TENM3: variants seen among roughly 807,000 people sequenced by gnomAD.
The protein encoded by TENM3 is teneurin transmembrane protein 3.
Under a neutral mutation model 255.1 loss-of-function variants are expected in TENM3, and 63 were observed. The observed-to-expected ratio is 0.25, with a 90% CI of 0.20 to 0.30. The LOEUF (loss-of-function observed/expected upper bound fraction) is 0.30. Among genes scored for constraint, TENM3 ranks in the 10% least tolerant of loss-of-function variants. The pLI is 1.00. For missense variants in TENM3, 2,929 were observed against 3,461.1 expected, an observed-to-expected ratio of 0.85 and a Z score of 3.86; for synonymous variants, 1,306 against 1,322.3, an observed-to-expected ratio of 0.99 and a Z score of 0.27.
the TENM3 span, among the ~76,000 whole-genome samples, chr4:182,073,888 G>A: frequency 6.6e-6 from 1 of 152,110 alleles, no homozygotes; most frequent in South Asian, 2.1e-4. Context: ...TTTGTTCACA[G>A]AATTGGCACA....
chr4:181,886,238 A>T, the TENM3 span, among the ~76,000 whole-genome samples: 1 of 151,938 alleles, frequency 6.6e-6, no homozygotes, highest in Non-Finnish European at 1.5e-5. Context: ...TTTTCAATAG[A>T]GATGGGGTTT....
chr4:182,501,050 G>A (rs1471188764), intron 3 of TENM3, among the ~76,000 whole-genome samples: 1 of 151,996 alleles, frequency 6.6e-6, no homozygotes, highest in Admixed American at 6.6e-5. Context: ...AGAATGGTGA[G>A]CATGTCTTAT....
At chr4:181,779,050 G>T in the TENM3 span, among the ~76,000 whole-genome samples, 1 of 152,096 alleles carries the variant, frequency 6.6e-6, no homozygotes, top group Non-Finnish European at 1.5e-5. Context: ...CTACTGGAGT[G>T]AGTCTACAAA....
chr4:182,469,881 G>A (rs1732954343), intron 3 of TENM3, among the ~76,000 whole-genome samples: 1 of 152,010 alleles, frequency 6.6e-6, no homozygotes, highest in South Asian at 2.1e-4. Flanking sequence ...TAACATAAAT[G>A]TAAACAGTGA....
the TENM3 span, among the ~76,000 whole-genome samples, chr4:182,101,474 C>A: frequency 6.6e-6 from 1 of 152,186 alleles, no homozygotes; most frequent in Non-Finnish European, 1.5e-5. Context: ...CTGATCTTAG[C>A]CCAACCCTCT....
the TENM3 span, among the ~76,000 whole-genome samples, chr4:181,758,586 A>C: frequency 3.8e-4 from 58 of 152,326 alleles, no homozygotes; most frequent in Admixed American, 1.2e-3. Flanking sequence ...TTAAGATGCT[A>C]TGTTTACAGG....
At chr4:182,163,096 G>A (rs761910770) in intron 1 of TENM3, among the ~76,000 whole-genome samples, 13 of 152,216 alleles carry the variant, frequency 8.5e-5, no homozygotes, top group Non-Finnish European at 1.5e-4. Context: ...GTACTAATCA[G>A]TCATTACGTC....
chr4:181,996,309 C>A, the TENM3 span, among the ~76,000 whole-genome samples: 1 of 152,028 alleles, frequency 6.6e-6, no homozygotes, highest in Non-Finnish European at 1.5e-5. Context: ...CAGAAGGGGA[C>A]AGCTTTAGCC....
chr4:181,470,349 TTATACACA>T, the TENM3 span, among the ~76,000 whole-genome samples: 3,869 of 152,282 alleles, frequency 0.025, 158 homozygotes, highest in African/African-American at 0.088. Context: ...CTTCCAGTTT[TTATACACA>T]AAACGTATGT....
intron 3 of TENM3, among the ~76,000 whole-genome samples, chr4:182,515,814 A>G (rs543868277): frequency 6.6e-6 from 1 of 151,204 alleles, no homozygotes; most frequent in Admixed American, 6.6e-5. Flanking sequence ...TGATACAGTA[A>G]AAGTCTAATA....
At chr4:182,452,218 T>A (rs762049826) in intron 3 of TENM3, among the ~76,000 whole-genome samples, 1 of 152,144 alleles carries the variant, frequency 6.6e-6, no homozygotes, top group Admixed American at 6.5e-5. Flanking sequence ...CTTAAGGATA[T>A]TTGAATGTTG....
At chr4:182,256,279 T>C (rs1447980124) in intron 1 of TENM3, among the ~76,000 whole-genome samples, 1 of 152,228 alleles carries the variant, frequency 6.6e-6, no homozygotes, top group African/African-American at 2.4e-5. Flanking sequence ...ATGGGCTCCA[T>C]CTCAGCCTGT....
the TENM3 span, among the ~76,000 whole-genome samples, chr4:181,749,479 TA>T: frequency 6.6e-6 from 1 of 152,136 alleles, no homozygotes; most frequent in Non-Finnish European, 1.5e-5. Context: ...GCTGCTTTTT[TA>T]AAAAATAAGA....
chr4:182,367,178 A>G (rs1383641691), intron 3 of TENM3, among the ~76,000 whole-genome samples: 3 of 152,176 alleles, frequency 2.0e-5, no homozygotes, highest in Admixed American at 6.5e-5. Flanking sequence ...AATCTGTTTT[A>G]AGTGTAGCAG....
intron 4 of TENM3, among the ~76,000 whole-genome samples, chr4:182,602,086 C>T (rs761770591): frequency 1.3e-5 from 2 of 152,226 alleles, no homozygotes; most frequent in Admixed American, 6.5e-5. Context: ...TATAAAATTT[C>T]GCCTTCTTTC....
the TENM3 span, among the ~76,000 whole-genome samples, chr4:181,899,860 A>G: frequency 6.6e-6 from 1 of 152,028 alleles, no homozygotes; most frequent in Non-Finnish European, 1.5e-5. Flanking sequence ...TTTTTTGTAT[A>G]GGATCCTAAC....
the TENM3 span, among the ~76,000 whole-genome samples, chr4:181,847,661 TA>T: frequency 3.3e-5 from 5 of 152,034 alleles, no homozygotes; most frequent in African/African-American, 7.2e-5. Flanking sequence ...TTGATAGACA[TA>T]CCAACTATGT....
the TENM3 span, among the ~76,000 whole-genome samples, chr4:181,478,331 A>G: frequency 1.3e-5 from 2 of 152,238 alleles, no homozygotes; most frequent in Non-Finnish European, 2.9e-5. Context: ...AAAGACATAC[A>G]TTAGTATAGT....
intron 1 of TENM3, among the ~76,000 whole-genome samples, chr4:182,218,862 A>G (rs1755674862): frequency 6.6e-6 from 1 of 152,240 alleles, no homozygotes; most frequent in African/African-American, 2.4e-5. Context: ...TATTAGTAAG[A>G]AAGTGGCCAC....
Sources: gnomAD v4.1 joint callset for allele counts (sites outside exome capture counted in the v4.1 genomes callset) on GRCh38, gnomAD v4.1.1 for gene constraint, MANE v1.5 for transcripts, NCBI Gene and HGNC (gene_info 2026-07-23, HGNC 2026-07-21) for gene names.